Variants in CNTLN observed in about 807,000 individuals in gnomAD.
CNTLN encodes the protein centlein.
A neutral mutation model predicts 180.0 loss-of-function variants in CNTLN; 212 were observed. The observed-to-expected ratio is 1.18, with a 90% CI of 1.05 to 1.32. CNTLN has a LOEUF of 1.32. Among genes scored for constraint, CNTLN ranks in the 40% most tolerant of loss-of-function variants. CNTLN has a pLI of 0.00. For synonymous variants in CNTLN, 722 were observed against 563.1 expected (o/e 1.28, Z -3.99); for missense variants, 2,095 against 1,610.9 (o/e 1.30, Z -5.14).
intron 25 of CNTLN, among the ~76,000 whole-genome samples, chr9:17,500,919 A>G (rs1885168): frequency 0.93 from 141,735 of 152,258 alleles, 66,434 homozygotes; most frequent in Non-Finnish European, 0.98. Flanking sequence ...GTCCAAGGTA[A>G]CTCTTTTTTA....
intron 18 of CNTLN, among the ~76,000 whole-genome samples, chr9:17,423,806 C>G (rs562251542): frequency 1.6e-4 from 25 of 152,190 alleles, no homozygotes; most frequent in African/African-American, 4.8e-4. Flanking sequence ...GTGTTGTGTT[C>G]CGCTGTGACA....
In CNTLN at chr9:17,340,917, C is replaced by T. The variant is rs757385756; in HGVS notation, c.1735C>T (p.Gln579Ter). The change falls in exon 11 of 26, where the codon CAA becomes TAA. Residue 579 changes from glutamine to a stop codon, truncating the protein, a stop_gained. Transcript: ENST00000380647. LOFTEE classifies it high-confidence loss of function. Reference protein sequence around the residue: ...LQTNYRAVKEQLKQWEEGSGM... With the variant: ...LQTNYRAVKE The stretch of plus-strand genomic sequence containing the variant: ...GACCAACTACAGAGCAGTAAAAGAG[C>T]AATTAAAACAGTGGGAAGAAGGCAG... 6.8e-6 allele frequency: 11 copies of T among 1,610,790 alleles called. 1 individual carries two copies. The South Asian group carries it at 1.2e-4, about 18-fold the overall frequency.
At chr9:17,455,335 T>C (rs1434443817) in intron 18 of CNTLN, among the ~76,000 whole-genome samples, 2 of 151,966 alleles carry the variant, frequency 1.3e-5, no homozygotes, top group African/African-American at 4.9e-5. Flanking sequence ...CAAAACATTA[T>C]ATTTTAATAA....
chr9:17,207,629 G>A (rs1402369949), intron 2 of CNTLN, among the ~76,000 whole-genome samples: 4 of 152,028 alleles, frequency 2.6e-5, no homozygotes, highest in African/African-American at 7.2e-5. Context: ...TGGGTGAAAC[G>A]GTACCCCACC....
At chr9:17,443,450 G>T (rs1357118178) in intron 18 of CNTLN, among the ~76,000 whole-genome samples, 1 of 152,092 alleles carries the variant, frequency 6.6e-6, no homozygotes, top group African/African-American at 2.4e-5. Context: ...ACAATTTCAG[G>T]GATTGTTAAA....
intron 2 of CNTLN, among the ~76,000 whole-genome samples, chr9:17,171,938 G>A (rs1820447524): frequency 6.6e-6 from 1 of 152,154 alleles, no homozygotes; most frequent in Non-Finnish European, 1.5e-5. Flanking sequence ...GTGCAGTTGT[G>A]TGCAGAGTGA....
chr9:17,400,445 C>T (rs1826882574), intron 15 of CNTLN, among the ~76,000 whole-genome samples: 1 of 152,074 alleles, frequency 6.6e-6, no homozygotes, highest in African/African-American at 2.4e-5. Flanking sequence ...CCAACTGTAC[C>T]ATTATTTAGA....
At chr9:17,389,361 A>C (rs1825923395) in intron 14 of CNTLN, among the ~76,000 whole-genome samples, 1 of 152,122 alleles carries the variant, frequency 6.6e-6, no homozygotes, top group South Asian at 2.1e-4. Flanking sequence ...TTTTCAGAAC[A>C]ATATTTTTAT....
At position 17,235,725 on chromosome 9, in the gene CNTLN, A is replaced by G. The variant is rs1412956507; in HGVS notation, c.602A>G (p.Asn201Ser). The G allele has an allele frequency of 5.0e-6, 8 of 1,606,862 alleles. No individual in the cohort carries two copies. The highest frequency in any genetic ancestry group is 6.8e-6 in the Non-Finnish European group (8 of 1,176,016). Residue 201 changes from asparagine (N) to serine (S), a missense_variant, in exon 4 of 26, where the codon AAT (asparagine) becomes AGT (serine). Transcript: ENST00000380647. ...CGGAAAATTGCAGTAGATGAAGAAAATGCTTTCTTAAGGAAAGAATTCAGT... is the reference window on the plus strand; with the variant it reads ...CGGAAAATTGCAGTAGATGAAGAAAGTGCTTTCTTAAGGAAAGAATTCAGT... ...VKRKIAVDEE[N>S]AFLRKEFSDL...
chr9:17,383,863 C>G (rs890920605), intron 13 of CNTLN, among the ~76,000 whole-genome samples: 8 of 152,186 alleles, frequency 5.3e-5, no homozygotes, highest in African/African-American at 1.7e-4. Flanking sequence ...TGGTCTCGAT[C>G]TCCTGACCTC....
intron 5 of CNTLN, among the ~76,000 whole-genome samples, chr9:17,261,099 G>T (rs543818742): frequency 6.6e-6 from 1 of 151,580 alleles, no homozygotes; most frequent in African/African-American, 2.4e-5. Flanking sequence ...ATAGTTTGAG[G>T]TTGGATAATG....
At chr9:17,220,317 A>G (rs1293172747) in intron 2 of CNTLN, among the ~76,000 whole-genome samples, 2 of 152,024 alleles carry the variant, frequency 1.3e-5, no homozygotes, top group African/African-American at 2.4e-5. Context: ...TCCGTATCTC[A>G]TTTAAAAGTA....
intron 2 of CNTLN, among the ~76,000 whole-genome samples, chr9:17,168,756 C>T (rs190219747): frequency 6.6e-6 from 1 of 151,684 alleles, no homozygotes; most frequent in East Asian, 1.9e-4. Flanking sequence ...TGATAAAGAC[C>T]TTTTTTTTCA....
intron 25 of CNTLN, among the ~76,000 whole-genome samples, chr9:17,489,258 G>A (rs1197783593): frequency 6.6e-6 from 1 of 151,996 alleles, no homozygotes; most frequent in East Asian, 1.9e-4. Flanking sequence ...TCACAGGATT[G>A]TATGGGCAAA....
intron 4 of CNTLN, 140 bp downstream of exon 4, chr9:17,235,932 C>A: frequency 1.5e-6 from 1 of 687,534 alleles, no homozygotes; most frequent in Non-Finnish European, 2.3e-6. Context: ...AGTTTTCTCA[C>A]ATGCAAAAAC....
chr9:17,403,615 C>T (rs2133801398), intron 15 of CNTLN, among the ~76,000 whole-genome samples: 1 of 150,826 alleles, frequency 6.6e-6, no homozygotes, highest in South Asian at 2.1e-4. Flanking sequence ...ACCAATATTA[C>T]CATTCTTAGA....
chr9:17,289,417 C>G (rs1829214313), intron 6 of CNTLN, among the ~76,000 whole-genome samples: 1 of 118,438 alleles, frequency 8.4e-6, no homozygotes, highest in Non-Finnish European at 1.7e-5. Context: ...GGTAACCCGA[C>G]CTTTCTCTCT....
At chr9:17,371,433 A>G (rs1164719094) in intron 13 of CNTLN, among the ~76,000 whole-genome samples, 1 of 152,160 alleles carries the variant, frequency 6.6e-6, no homozygotes, top group Non-Finnish European at 1.5e-5. Context: ...TTGTAAATAT[A>G]TATTCACCCA....
chr9:17,349,898 C>G (rs1172915750), intron 12 of CNTLN, among the ~76,000 whole-genome samples: 1 of 152,122 alleles, frequency 6.6e-6, no homozygotes, highest in African/African-American at 2.4e-5. Context: ...GTTTCAAGCT[C>G]TAGGAAGGCT....
Sources: allele counts gnomAD v4.1 joint callset (sites outside exome capture counted in the v4.1 genomes callset), GRCh38; gene constraint gnomAD v4.1.1; transcripts MANE v1.5; gene names NCBI Gene and HGNC (gene_info 2026-07-23, HGNC 2026-07-21).